Variants in ZNF385D observed in about 807,000 individuals in gnomAD.
ZNF385D encodes zinc finger protein 385D.
Under a neutral mutation model 35.8 loss-of-function variants are expected in ZNF385D, and 15 were observed. That is an observed-to-expected ratio of 0.42 (90% CI 0.28 to 0.64). ZNF385D has a LOEUF of 0.64. ZNF385D is among the 30% of genes least tolerant of loss of function. ZNF385D has a pLI of 0.23. For synonymous variants in ZNF385D, 212 were observed against 186.8 expected (o/e 1.13, Z -1.10); for missense variants, 474 against 494.6 (o/e 0.96, Z 0.39).
In ZNF385D at chr3:21,425,486, G is replaced by A. The variant is rs767997996; in HGVS notation, c.852+6C>T. The A allele has an allele frequency of 2.5e-6, 4 of 1,588,666 alleles. 1 individual carries two copies. The South Asian group carries it at 4.6e-5, about 18-fold the overall frequency. On this transcript the variant is annotated splice_donor_region_variant and intron_variant, in intron 6 of 7. Coordinates refer to ENST00000281523, the MANE Select transcript of ZNF385D (RefSeq NM_024697.3). ...GGTTTTCATTCCTAGAATACGTGCT[G>A]TTTACCTGTTTAAGTTGCGTTTCCG...
intron 2 of ZNF385D, among the ~76,000 whole-genome samples, chr3:21,590,139 CACACAGCAGATTAGCT>C (rs1355595448): frequency 1.3e-5 from 2 of 152,090 alleles, no homozygotes; most frequent in Non-Finnish European, 2.9e-5. Flanking sequence ...ATGGTCTATT[CACACAGCAGATTAGCT>C]ACACAGCACA....
rs1287216716 is a variant in ZNF385D, at chr3:21,714,198, A to C, written c.22+36697T>G. Reference sequence around the variant, plus strand: ...TCAATTAAAACCCATGGTCATTAACAGTAAGTGGGCCTTCCGGCAGACCTT... The same window carrying C: ...TCAATTAAAACCCATGGTCATTAACCGTAAGTGGGCCTTCCGGCAGACCTT... On this transcript the variant is annotated intron_variant, in intron 1 of 7. Transcript: ENST00000281523. 2.6e-5 allele frequency among the ~76,000 whole-genome samples: 3 copies of C among 114,540 alleles called. No individual in the cohort carries two copies. The East Asian group carries it at 7.2e-4, about 27-fold the overall frequency. 75.1% of individuals were successfully genotyped at this position (114,540 alleles called of 152,430 possible).
At position 21,993,304 on chromosome 3, in the gene ZNF385D, C is replaced by T. The variant is rs563007339; in HGVS notation, c.325+175513G>A. On this transcript the variant is annotated intron_variant, in intron 3 of 5. Coordinates refer to the ZNF385D transcript ENST00000494108. ...ATTGTAACACTATTTGGGATGTTTC[C>T]TTGAGTTGTTTTAAAAAAGTTTCTT... Among the ~76,000 whole-genome samples, 3 of 152,218 alleles carry T rather than the reference C, an allele frequency of 2.0e-5. No individual in the cohort carries two copies. In the East Asian group the frequency reaches 5.8e-4, roughly 29 times the overall value.
intron 3 of ZNF385D, among the ~76,000 whole-genome samples, chr3:21,997,891 GT>G (rs1695581314): frequency 6.6e-6 from 1 of 151,354 alleles, no homozygotes; most frequent in Non-Finnish European, 1.5e-5. Context: ...GTGTGTGTGT[GT>G]GTGTGTGTGT....
At position 22,056,868 on chromosome 3, in the gene ZNF385D, C is replaced by G. The variant is rs373635146; in HGVS notation, c.325+111949G>C. 3.6e-4 allele frequency among the ~76,000 whole-genome samples: 55 copies of G among 152,290 alleles called. No individual in the cohort carries two copies. In the South Asian group the frequency reaches 0.011, roughly 31 times the overall value. ...CATGTGTCTCATTGTGGAGCCCAGG[C>G]TGAATGATTAGTAACCACTCAGAAC... is the stretch of plus-strand genomic sequence containing the variant. On this transcript the variant is annotated intron_variant, in intron 3 of 5. Coordinates refer to the ZNF385D transcript ENST00000494108.
intron 3 of ZNF385D, among the ~76,000 whole-genome samples, chr3:21,940,384 A>G (rs562447655): frequency 2.0e-5 from 3 of 152,350 alleles, no homozygotes; most frequent in African/African-American, 7.2e-5. Flanking sequence ...AATGGGAAAA[A>G]GAATAACTAC....
chr3:21,975,109 T>G (rs1703513493), intron 3 of ZNF385D, among the ~76,000 whole-genome samples: 1 of 152,174 alleles, frequency 6.6e-6, no homozygotes, highest in African/African-American at 2.4e-5. Context: ...TGAAGAGATA[T>G]CTGCACTTCC....
rs144437821 is a variant in ZNF385D at position 22,038,158 on chromosome 3, T to C, written c.325+130659A>G. Among the ~76,000 whole-genome samples, 466 of 152,226 alleles carry C rather than the reference T, an allele frequency of 3.1e-3. 4 individuals are homozygous for C. The highest frequency in any genetic ancestry group is 0.01 in the African/African-American group (428 of 41,556). On this transcript the variant is annotated intron_variant, in intron 3 of 5. Coordinates refer to the ZNF385D transcript ENST00000494108. ...TTATTTGGCACCAACCTAGAGCAAA[T>C]TGCTGAACTACGAAGTGTAGGAGAT...
At chr3:22,032,336 C>T (rs1698049147) in intron 3 of ZNF385D, among the ~76,000 whole-genome samples, 1 of 152,162 alleles carries the variant, frequency 6.6e-6, no homozygotes, top group Non-Finnish European at 1.5e-5. Flanking sequence ...AAAGCAAGTA[C>T]TTCTTGACAA....
intron 3 of ZNF385D, among the ~76,000 whole-genome samples, chr3:21,990,705 C>G (rs1323091595): frequency 6.6e-6 from 1 of 152,150 alleles, no homozygotes; most frequent in Non-Finnish European, 1.5e-5. Flanking sequence ...GAGTCTTTCC[C>G]TCACTTTCTT....
chr3:21,644,502 GT>G (rs1338944813), intron 2 of ZNF385D, among the ~76,000 whole-genome samples: 1 of 152,124 alleles, frequency 6.6e-6, no homozygotes, highest in Non-Finnish European at 1.5e-5. Context: ...GGAAACCAGA[GT>G]ACCCAGAGAA....
At chr3:21,805,813 G>A (rs1265535435) in intron 3 of ZNF385D, among the ~76,000 whole-genome samples, 3 of 152,122 alleles carry the variant, frequency 2.0e-5, no homozygotes, top group Non-Finnish European at 4.4e-5. Flanking sequence ...TGAAAGAATG[G>A]GAAGCTGCTT....
At chr3:21,997,158 C>T (rs540843368) in intron 3 of ZNF385D, among the ~76,000 whole-genome samples, 2 of 151,930 alleles carry the variant, frequency 1.3e-5, no homozygotes, top group Non-Finnish European at 2.9e-5. Context: ...CCATGGAATA[C>T]TATGCAGCTG....
chr3:21,610,087 G>A (rs1435690449), intron 2 of ZNF385D, among the ~76,000 whole-genome samples: 1 of 151,114 alleles, frequency 6.6e-6, no homozygotes, highest in Non-Finnish European at 1.5e-5. Flanking sequence ...GTGTAGCCTT[G>A]CTTTATTTCA....
intron 2 of ZNF385D, among the ~76,000 whole-genome samples, chr3:22,324,331 C>T (rs1694577539): frequency 6.6e-6 from 1 of 152,014 alleles, no homozygotes; most frequent in Admixed American, 6.6e-5. Flanking sequence ...CAACAACACA[C>T]AATATTTAGG....
At chr3:22,101,199 G>A (rs1226985393) in intron 3 of ZNF385D, among the ~76,000 whole-genome samples, 1 of 151,970 alleles carries the variant, frequency 6.6e-6, no homozygotes, top group Non-Finnish European at 1.5e-5. Flanking sequence ...AGATTTAAGA[G>A]ATAAAAAGCA....
At position 22,353,074 on chromosome 3, in the gene ZNF385D, C is replaced by A. The variant is rs570073327; in HGVS notation, c.106+19376G>T. Among the ~76,000 whole-genome samples, 5 of 152,280 alleles carry A rather than the reference C, an allele frequency of 3.3e-5. No individual in the cohort carries two copies. The South Asian group carries it at 1.0e-3, about 32-fold the overall frequency. ...AGAGGAGGAAAAAAGATGTTGAGTT[C>A]TCTGCATAGGCAGTAGCTAAGGAAG... On this transcript the variant is annotated intron_variant, in intron 2 of 5. Transcript: ENST00000494108.
chr3:21,737,512 G>C (rs555984637), intron 1 of ZNF385D, among the ~76,000 whole-genome samples: 1 of 151,046 alleles, frequency 6.6e-6, no homozygotes, highest in Non-Finnish European at 1.5e-5. Flanking sequence ...AGATAGATAC[G>C]TATGTATACG....
chr3:21,766,225 A>C (rs1003605894), intron 3 of ZNF385D, among the ~76,000 whole-genome samples: 3 of 152,088 alleles, frequency 2.0e-5, no homozygotes, highest in African/African-American at 4.8e-5. Flanking sequence ...TCTATCCTCC[A>C]CTGATAATTT....
Sources: allele counts gnomAD v4.1 joint callset (sites outside exome capture counted in the v4.1 genomes callset), GRCh38; gene constraint gnomAD v4.1.1; transcripts MANE v1.5; gene names NCBI Gene and HGNC (gene_info 2026-07-23, HGNC 2026-07-21).